Variants in RYR1 observed in about 807,000 individuals in gnomAD.
RYR1 encodes the protein ryanodine receptor 1.
In RYR1, 342 loss-of-function variants were observed where a neutral mutation model predicts 583.5. The observed-to-expected ratio is 0.59, with a 90% confidence interval of 0.54 to 0.64. The LOEUF (loss-of-function observed/expected upper bound fraction) is 0.64. RYR1 is among the 30% of genes least tolerant of loss of function. The pLI, the probability that RYR1 is intolerant of heterozygous loss-of-function variation, is 0.00. For missense variants in RYR1, 6,032 were observed against 6,917.2 expected, an observed-to-expected ratio of 0.87 and a Z score of 4.54; for synonymous variants, 2,791 against 2,822.5, an observed-to-expected ratio of 0.99 and a Z score of 0.35.
In RYR1 at chr19:38,506,560, T is replaced by C. The variant is rs1199344689; in HGVS notation, c.8692+14T>C. On this transcript the variant is annotated intron_variant, in intron 56 of 105. Coordinates refer to ENST00000359596, the MANE Select transcript of RYR1 (RefSeq NM_000540.3). ...TGGAAGCCAAAGGTGAGGGCGCCCA[T>C]GCCGCCCCCACGCTACCCCCGTGGA... is the stretch of plus-strand genomic sequence containing the variant. 6.2e-7 allele frequency: 1 copy of C among 1,613,558 alleles called. No homozygotes were observed. Among genetic ancestry groups the C allele is most frequent in the Non-Finnish European group, 8.5e-7 (1 of 1,179,684 alleles).
At chr19:38,473,027 A>C (rs1335402738) in intron 27 of RYR1, among the ~76,000 whole-genome samples, 1 of 151,810 alleles carries the variant, frequency 6.6e-6, no homozygotes, top group Non-Finnish European at 1.5e-5. Flanking sequence ...AAAAAAAAAA[A>C]AAAAGCATTG....
chr19:38,502,805 A>C, intron 48 of RYR1, 75 bp from the exon 49 acceptor site: 4 of 472,720 alleles, frequency 8.5e-6, no homozygotes, highest in Non-Finnish European at 9.1e-6. Context: ...GGGCAGGGGC[A>C]GGGGGAGGAG....
chr19:38,486,475 C>A (rs945336197), intron 34 of RYR1, among the ~76,000 whole-genome samples: 1 of 152,192 alleles, frequency 6.6e-6, no homozygotes, highest in East Asian at 1.9e-4. Flanking sequence ...CCCCGAGTAG[C>A]GGGGACTACA....
intron 17 of RYR1, 152 bp from the exon 18 acceptor site, chr19:38,457,899 C>A: frequency 1.2e-6 from 1 of 858,416 alleles, no homozygotes. Flanking sequence ...TTGCCTGTTT[C>A]TGTCTTGATT....
intron 70 of RYR1, among the ~76,000 whole-genome samples, chr19:38,524,181 G>T (rs1029600488): frequency 3.2e-3 from 204 of 64,178 alleles, no homozygotes; most frequent in Middle Eastern, 0.01. Context: ...CTGGACTTTT[G>T]TTCCCAAAAA....
rs751706550 is a variant in RYR1, at chr19:38,586,460, T to C, written c.14970-65T>C. 3 of 1,513,830 alleles carry C rather than the reference T, an allele frequency of 2.0e-6. No homozygotes were observed. In the African/African-American group the frequency reaches 4.1e-5, roughly 21 times the overall value. 93.8% of individuals were successfully genotyped at this position (1,513,830 alleles called of 1,614,324 possible). ...ACATAGCAAGACTTCCTCTCTACTA[T>C]AAATGAAAAATAAAATAAGGTAAGG... On this transcript the variant is annotated intron_variant, in intron 104 of 105. Coordinates refer to ENST00000359596, the MANE Select transcript of RYR1 (RefSeq NM_000540.3).
chr19:38,576,978 C>T (rs1048145405), intron 97 of RYR1, among the ~76,000 whole-genome samples: 4 of 151,936 alleles, frequency 2.6e-5, no homozygotes, highest in African/African-American at 7.2e-5. Flanking sequence ...CTCCACCTCC[C>T]GGGTTCAAGC....
At chr19:38,437,205 T>C (rs1390760179) in intron 1 of RYR1, among the ~76,000 whole-genome samples, 1 of 151,782 alleles carries the variant, frequency 6.6e-6, no homozygotes, top group Non-Finnish European at 1.5e-5. Context: ...CATGCACCAC[T>C]ACGCCCGGCT....
In RYR1 at chr19:38,543,514, C is replaced by T. The variant is rs776654788; in HGVS notation, c.11779-18C>T. The stretch of plus-strand genomic sequence containing the variant: ...GGTCGGCCCCAGCACCCCCTCACAC[C>T]CTACCCGCCCCCACCAGGAATCCAT... On this transcript the variant is annotated intron_variant, in intron 85 of 105. Coordinates refer to ENST00000359596, the MANE Select transcript of RYR1 (RefSeq NM_000540.3). The surrounding 1 kb of genome is among the most constrained non-coding windows in gnomAD (Gnocchi z 4.4). 23 of 1,614,078 alleles carry T rather than the reference C, an allele frequency of 1.4e-5. No homozygotes were observed. The highest frequency in any genetic ancestry group is 1.9e-5 in the Non-Finnish European group (22 of 1,180,042).
intron 94 of RYR1, 147 bp from the exon 95 acceptor site, chr19:38,571,872 C>T (rs537457739): frequency 1.2e-5 from 14 of 1,151,792 alleles, no homozygotes; most frequent in Non-Finnish European, 1.8e-5. Flanking sequence ...TAGCTACAGC[C>T]CTAGGCCCAA....
At chr19:38,442,945 G>A (rs115367056) in intron 3 of RYR1, among the ~76,000 whole-genome samples, 166 of 152,266 alleles carry the variant, frequency 1.1e-3, no homozygotes, top group African/African-American at 3.8e-3. Flanking sequence ...GGTCCACCAT[G>A]TGATCACCTG....
At chr19:38,508,188 TTTA>T (rs1970566279) in intron 58 of RYR1, among the ~76,000 whole-genome samples, 1 of 151,992 alleles carries the variant, frequency 6.6e-6, no homozygotes, top group Admixed American at 6.5e-5. Context: ...TTCATTTTAT[TTTA>T]TTTTTATTTT....
intron 22 of RYR1, 97 bp downstream of exon 22, chr19:38,463,947 A>T: frequency 1.1e-6 from 1 of 917,310 alleles, no homozygotes; most frequent in Non-Finnish European, 1.8e-6. Context: ...ACTGAGAGAG[A>T]GAAGGATGGA....
At position 38,565,305 on chromosome 19, in the gene RYR1, C is replaced by CAGT. The variant is rs1973352114; in HGVS notation, c.12971_12972insAGT (p.Thr4324_Ala4325insVal). On this transcript the variant is annotated inframe_insertion, in exon 91 of 106. Coordinates refer to ENST00000359596, the MANE Select transcript of RYR1 (RefSeq NM_000540.3). This position sits in a 1 kb window ranked among gnomAD's most constrained non-coding sequence, Gnocchi z 4.7. ...CGCGTGCGGCGGCTGCGGCGGCTTA[C>CAGT]GGCCCGCGAGGCGGCCACCGCAGTG... 1 of 1,100,838 alleles carries CAGT rather than the reference C, an allele frequency of 9.1e-7. No individual in the cohort carries two copies. Among genetic ancestry groups the CAGT allele is most frequent in the Admixed American group, 5.2e-5 (1 of 19,352 alleles). 68.2% of individuals were successfully genotyped at this position (1,100,838 alleles called of 1,614,324 possible).
In RYR1 at chr19:38,561,161, C is replaced by T. The variant is rs1348349072; in HGVS notation, c.12331C>T (p.Leu4111Phe). The T allele has an allele frequency of 6.2e-7, 1 of 1,614,184 alleles. No individual in the cohort carries two copies. The highest frequency in any genetic ancestry group is 2.2e-5 in the East Asian group (1 of 44,890). ...CAGCGGTCCAGAAATCCAGTTCCTG[C>T]TTTCGTGCTCCGAAGCGGATGAGAA... The part of the protein sequence containing the change: ...QFSGPEIQFL[L>F]SCSEADENEM... Residue 4111 changes from leucine to phenylalanine, a missense_variant, in exon 90 of 106, where the codon CTT (leucine) becomes TTT (phenylalanine). Leu to Phe is a conservative substitution (Grantham distance 22). This residue lies in a region of RYR1 where 753 missense variants were observed against 759.6 expected (regional missense o/e 0.99). Coordinates refer to ENST00000359596, the MANE Select transcript of RYR1 (RefSeq NM_000540.3). This position sits in a 1 kb window ranked among gnomAD's most constrained non-coding sequence, Gnocchi z 4.8.
At chr19:38,484,942 G>A (rs1442509256) in intron 33 of RYR1, among the ~76,000 whole-genome samples, 1 of 152,090 alleles carries the variant, frequency 6.6e-6, no homozygotes, top group Non-Finnish European at 1.5e-5. Flanking sequence ...CTGCACTCTA[G>A]CCTGGGCAAC....
At chr19:38,454,236 C>T (rs1967244439) in intron 13 of RYR1, among the ~76,000 whole-genome samples, 1 of 152,118 alleles carries the variant, frequency 6.6e-6, no homozygotes, top group African/African-American at 2.4e-5. Flanking sequence ...GATGGGGTTT[C>T]GCCATGTTGG....
At chr19:38,506,026 G>A in intron 54 of RYR1, 80 bp downstream of exon 54, 1 of 1,569,860 alleles carries the variant, frequency 6.4e-7, no homozygotes, top group Non-Finnish European at 8.6e-7. Context: ...GACAGGGAAG[G>A]GATGGAGAGG....
At chr19:38,504,138 C>T in intron 49 of RYR1, 82 bp from the exon 50 acceptor site, 1 of 1,456,278 alleles carries the variant, frequency 6.9e-7, no homozygotes, top group South Asian at 1.2e-5. Context: ...CACTGGCATG[C>T]CTGTGTCTCT....
Sources: allele counts gnomAD v4.1 joint callset (sites outside exome capture counted in the v4.1 genomes callset), GRCh38; gene constraint gnomAD v4.1.1; regional missense constraint gnomAD v4.1.1; non-coding constraint Gnocchi (gnomAD v3.1); transcripts MANE v1.5; gene names NCBI Gene and HGNC (gene_info 2026-07-23, HGNC 2026-07-21).